Variants in TDRD12 observed in about 807,000 individuals in gnomAD.
TDRD12 encodes putative ATP-dependent RNA helicase TDRD12.
In TDRD12, 158 loss-of-function variants were observed where a neutral mutation model predicts 133.5. The ratio of observed to expected loss-of-function variants is 1.18; its 90% confidence interval spans 1.04 to 1.35. TDRD12 has a LOEUF of 1.35. TDRD12 is among the 40% of genes most tolerant of loss of function. The pLI is 0.00. For missense variants in TDRD12, 1,443 were observed against 1,321.3 expected (o/e 1.09, Z -1.43); for synonymous variants, 460 against 477.9 (o/e 0.96, Z 0.49).
chr19:32,789,150 C>T (rs1970995481), intron 11 of TDRD12, among the ~76,000 whole-genome samples: 1 of 152,132 alleles, frequency 6.6e-6, no homozygotes, highest in African/African-American at 2.4e-5. Flanking sequence ...AGGGAGCCTG[C>T]CCCTAATTCC....
chr19:32,769,030 A>G (rs1970373227), intron 8 of TDRD12, among the ~76,000 whole-genome samples: 1 of 152,164 alleles, frequency 6.6e-6, no homozygotes, highest in South Asian at 2.1e-4. Flanking sequence ...GGTGCAAGCC[A>G]CTGTGCCTGG....
intron 22 of TDRD12, among the ~76,000 whole-genome samples, chr19:32,808,387 C>T (rs921262654): frequency 1.3e-5 from 2 of 152,190 alleles, no homozygotes; most frequent in Non-Finnish European, 2.9e-5. Flanking sequence ...GTCAGCAGGG[C>T]CATGCCCCTC....
exon 10 of TDRD12, chr19:32,828,389 G>C (rs534929662): frequency 1.5e-5 from 2 of 136,500 alleles, no homozygotes; most frequent in East Asian, 3.3e-4. Context: ...CTGCAGCACT[G>C]GGGGGGGTCA....
chr19:32,784,152 G>A (rs1970843279), intron 11 of TDRD12, among the ~76,000 whole-genome samples: 1 of 152,140 alleles, frequency 6.6e-6, no homozygotes. Flanking sequence ...CTATTATGTT[G>A]AGTTACATTC....
At chr19:32,761,016 T>C (rs770486000) in intron 8 of TDRD12, among the ~76,000 whole-genome samples, 1 of 152,238 alleles carries the variant, frequency 6.6e-6, no homozygotes, top group Non-Finnish European at 1.5e-5. Context: ...CACTGATATA[T>C]TGTGATCATA....
At chr19:32,731,916 A>G (rs1398039823) in intron 2 of TDRD12, 33 bp downstream of exon 2, 7 of 1,487,290 alleles carry the variant, frequency 4.7e-6, no homozygotes, top group African/African-American at 1.4e-5. Context: ...ATCACTGTGT[A>G]TTGAAACACC....
rs553070679 is a variant in TDRD12, at chr19:32,794,824, G to A, written c.1473+11G>A. 1.4e-6 allele frequency: 1 copy of A among 701,674 alleles called. No individual in the cohort carries two copies. The highest frequency in any genetic ancestry group is 2.6e-6 in the Non-Finnish European group (1 of 384,036). 43.5% of individuals were successfully genotyped at this position (701,674 alleles called of 1,614,324 possible). A position where few individuals can be genotyped will look rare whatever the true frequency, so the allele number is the denominator to read the frequency against. On this transcript the variant is annotated intron_variant, in intron 14 of 27. Coordinates refer to ENST00000444215, the Ensembl canonical transcript of TDRD12. ...CCAAGTAGAAATGGAGTAAGTCAAA[G>A]ACAGTTTTGCCTCACAACCAAATGG...
chr19:32,733,895 A>AT (rs61612791), intron 2 of TDRD12, among the ~76,000 whole-genome samples: 5,974 of 142,366 alleles, frequency 0.042, 207 homozygotes, highest in South Asian at 0.12. Flanking sequence ...TAATTAATTA[A>AT]TTTTTTTTTT....
At position 32,738,854 on chromosome 19, in the gene TDRD12, A is replaced by C. The variant is rs1969303742; in HGVS notation, c.184-2A>C. The C allele has an allele frequency of 6.5e-7, 1 of 1,547,674 alleles. No homozygotes were observed. Among genetic ancestry groups the C allele is most frequent in the South Asian group, 1.2e-5 (1 of 83,238 alleles). On this transcript the variant is annotated splice_acceptor_variant, in intron 2 of 27. Coordinates refer to ENST00000444215, the Ensembl canonical transcript of TDRD12. LOFTEE classifies it high-confidence loss of function. ...AAAAATAACTCTCTGTTTATTTTGC[A>C]GGTGTGTGTGGTCTATTGTGAGGAG...
Position 32,767,982 on chromosome 19 carries a change from G to C in TDRD12, c.866-4771G>C, listed in dbSNP as rs536940170. Among the ~76,000 whole-genome samples the C allele has an allele frequency of 2.8e-3, 427 of 152,282 alleles. 2 individuals are homozygous for C. The highest frequency in any genetic ancestry group is 1.0e-2 in the African/African-American group (415 of 41,556). ...AAAATCCAGAGAGAAAGAATATTTT[G>C]TGACACATTAAAATTATATGAAATT... On this transcript the variant is annotated intron_variant, in intron 8 of 27. Transcript: ENST00000444215.
intron 1 of TDRD12, among the ~76,000 whole-genome samples, chr19:32,727,830 G>A (rs764968132): frequency 1.1e-4 from 16 of 151,956 alleles, no homozygotes; most frequent in Non-Finnish European, 2.2e-4. Context: ...CACCACACCC[G>A]GCTAATTTTG....
At chr19:32,763,734 A>G (rs1970215103) in intron 8 of TDRD12, among the ~76,000 whole-genome samples, 1 of 152,228 alleles carries the variant, frequency 6.6e-6, no homozygotes, top group South Asian at 2.1e-4. Flanking sequence ...AGTTTTAACT[A>G]ACGGAGGTGT....
intron 24 of TDRD12, among the ~76,000 whole-genome samples, chr19:32,812,226 G>T (rs1967030751): frequency 6.6e-6 from 1 of 151,914 alleles, no homozygotes; most frequent in Non-Finnish European, 1.5e-5. Context: ...ACAGGCACAG[G>T]GGGGCCCGCG....
chr19:32,775,986 G>A (rs1488311062), intron 10 of TDRD12, among the ~76,000 whole-genome samples: 3 of 152,330 alleles, frequency 2.0e-5, no homozygotes, highest in East Asian at 3.9e-4. Context: ...CGGCCCTCAT[G>A]TTCTGCCTTG....
Position 32,827,480 on chromosome 19 carries a change from A to C in TDRD12, c.*314A>C, listed in dbSNP as rs776593771. 22 of 254,438 alleles carry C rather than the reference A, an allele frequency of 8.6e-5. No homozygotes were observed. The Middle Eastern group carries it at 3.4e-3, about 39-fold the overall frequency. The allele number at this position is 254,438 out of a possible 1,614,324, so 15.8% of individuals were successfully genotyped here. On this transcript the variant is annotated 3_prime_UTR_variant, in exon 10 of 10. Coordinates refer to the TDRD12 transcript ENST00000637289. ...CTGCAACCTCTGCCTCACAGGCTCAAGCAATTCTCCTGCCTCAGCCTCCCG... is the reference window on the plus strand; with the variant it reads ...CTGCAACCTCTGCCTCACAGGCTCACGCAATTCTCCTGCCTCAGCCTCCCG...
chr19:32,777,248 G>T lies in TDRD12; in HGVS notation c.1121+19G>T. On this transcript the variant is annotated intron_variant, in intron 11 of 27. Transcript: ENST00000444215. ...GTGTGAAGTAAGAATTTTTTCCTTG[G>T]CCTGAATTGTGTATTGAAATAATTA... 1 of 1,386,086 alleles carries T rather than the reference G, an allele frequency of 7.2e-7. No homozygotes were observed. The highest frequency in any genetic ancestry group is 9.8e-7 in the Non-Finnish European group (1 of 1,021,392). 85.9% of individuals were successfully genotyped at this position (1,386,086 alleles called of 1,614,324 possible).
exon 9 of TDRD12, chr19:32,826,591 G>C: frequency 8.1e-7 from 1 of 1,238,008 alleles, no homozygotes; most frequent in Non-Finnish European, 1.0e-6. Flanking sequence ...CACCTACTCA[G>C]ACAGAGGGTG....
intron 1 of TDRD12, among the ~76,000 whole-genome samples, chr19:32,727,106 G>C (rs1045772587): frequency 6.6e-6 from 1 of 152,094 alleles, no homozygotes; most frequent in Non-Finnish European, 1.5e-5. Context: ...ATTATTTTCT[G>C]TTTTAACACA....
In TDRD12 at chr19:32,821,179, G is replaced by A. The variant is rs182081490; in HGVS notation, c.3530G>A (p.Arg1177His). ...TTCAAAAGATGGTTAAGTTCAAATC[G>A]TTAATGTCTGGAAAATTGCTAATGT... Residue 1177 changes from arginine to histidine, a missense_variant, in exon 28 of 28, where the codon CGT (arginine) becomes CAT (histidine). Arg to His is a conservative substitution (Grantham distance 29). Transcript: ENST00000444215. 6.2e-4 allele frequency: 903 copies of A among 1,463,666 alleles called. No homozygotes were observed. In the African/African-American group the frequency reaches 7.6e-3, roughly 12 times the overall value. The allele number at this position is 1,463,666 out of a possible 1,614,324, so 90.7% of individuals were successfully genotyped here.
Sources: gnomAD v4.1 joint callset for allele counts (sites outside exome capture counted in the v4.1 genomes callset) on GRCh38, gnomAD v4.1.1 for gene constraint, MANE v1.5 for transcripts, NCBI Gene and HGNC (gene_info 2026-07-23, HGNC 2026-07-21) for gene names.